The following CUX1 variants were observed in gnomAD, a reference collection of about 807,000 sequenced individuals.
CUX1 encodes the protein cut like homeobox 1.
In CUX1, 31 loss-of-function variants were observed where a neutral mutation model predicts 158.8. The ratio of observed to expected loss-of-function variants is 0.20; its 90% confidence interval spans 0.15 to 0.26. The LOEUF is 0.26. Ranked by LOEUF, CUX1 falls within the 10% of genes least tolerant of loss-of-function variation. The probability of loss-of-function intolerance (pLI) is 1.00; values close to 1 mark genes in which losing one functional copy is unlikely to be tolerated. For missense variants in CUX1, 1,589 were observed against 2,014.6 expected (o/e 0.79, Z 4.04); for synonymous variants, 879 against 862.1 (o/e 1.02, Z -0.34).
chr7:101,818,713 AGTC>A (rs1792154724), intron 1 of CUX1, among the ~76,000 whole-genome samples: 1 of 152,246 alleles, frequency 6.6e-6, no homozygotes. Context: ...TGCAAACTTT[AGTC>A]GAATACGGAA....
chr7:101,837,700 G>C (rs1372599206), intron 1 of CUX1, among the ~76,000 whole-genome samples: 1 of 151,504 alleles, frequency 6.6e-6, no homozygotes, highest in Non-Finnish European at 1.5e-5. Flanking sequence ...TCATGGTGAC[G>C]CACACCTGTG....
At chr7:102,121,806 T>C (rs552030737) in intron 8 of CUX1, among the ~76,000 whole-genome samples, 2 of 152,256 alleles carry the variant, frequency 1.3e-5, no homozygotes, top group South Asian at 2.1e-4. Context: ...CCTGGTCCTT[T>C]AGGCTCAAAT....
At chr7:102,035,068 G>A (rs1821267463) in intron 3 of CUX1, among the ~76,000 whole-genome samples, 1 of 76,370 alleles carries the variant, frequency 1.3e-5, no homozygotes, top group Non-Finnish European at 2.5e-5. Context: ...AGACCCAGTG[G>A]TGGTAAAAAA....
chr7:102,239,034 G>C (rs782691738), intron 22 of CUX1, among the ~76,000 whole-genome samples: 1 of 152,094 alleles, frequency 6.6e-6, no homozygotes, highest in Non-Finnish European at 1.5e-5. Flanking sequence ...TTACAGGTGC[G>C]TACCACCACG....
At chr7:101,981,218 G>T (rs113250742) in intron 2 of CUX1, among the ~76,000 whole-genome samples, 1 of 151,366 alleles carries the variant, frequency 6.6e-6, no homozygotes, top group Non-Finnish European at 1.5e-5. Context: ...CTATACACAC[G>T]CCTCACTTTC....
intron 3 of CUX1, among the ~76,000 whole-genome samples, chr7:102,031,239 A>G (rs890192262): frequency 5.1e-4 from 78 of 152,086 alleles, no homozygotes; most frequent in East Asian, 5.8e-4. Flanking sequence ...TTGTATTTTT[A>G]GTAGAGATGG....
At chr7:102,228,395 G>A (rs1300779104) in intron 21 of CUX1, among the ~76,000 whole-genome samples, 2 of 152,116 alleles carry the variant, frequency 1.3e-5, no homozygotes, top group Non-Finnish European at 2.9e-5. Flanking sequence ...ATGTTGATGT[G>A]CACCTGTAGT....
downstream of CUX1, among the ~76,000 whole-genome samples, chr7:102,262,041 G>A (rs544862135): frequency 6.6e-6 from 1 of 152,178 alleles, no homozygotes; most frequent in South Asian, 2.1e-4. Context: ...CAGCCCAGGA[G>A]CTCAAGGCTG....
intron 4 of CUX1, among the ~76,000 whole-genome samples, chr7:102,096,378 C>T (rs1554484147): frequency 6.6e-6 from 1 of 152,138 alleles, no homozygotes; most frequent in African/African-American, 2.4e-5. Context: ...TGTTTCTTTC[C>T]TCTGCTTCAC....
intron 2 of CUX1, among the ~76,000 whole-genome samples, chr7:102,003,903 G>C (rs78754017): frequency 2.0e-5 from 3 of 152,156 alleles, no homozygotes; most frequent in Non-Finnish European, 2.9e-5. Context: ...CACTTTGGGA[G>C]ACTAAGGTGG....
rs11981768 is a variant in CUX1, at chr7:102,136,579, C to T, written c.674+21306C>T. Among the ~76,000 whole-genome samples the T allele has an allele frequency of 4.2e-3, 636 of 152,140 alleles. 3 individuals carry two copies. Among genetic ancestry groups the T allele is most frequent in the East Asian group, 0.027 (142 of 5,172 alleles). ...CTAATTTTTGTATTTTTAATGGAGA[C>T]GGGGTTTCACCATGTTGGTCAGGCT... On this transcript the variant is annotated intron_variant, in intron 8 of 23. Transcript: ENST00000292535.
intron 8 of CUX1, among the ~76,000 whole-genome samples, chr7:102,122,280 G>A (rs1832125106): frequency 6.6e-6 from 1 of 152,098 alleles, no homozygotes; most frequent in Non-Finnish European, 1.5e-5. Context: ...TAAAAATAGA[G>A]AAGCAGCCAC....
intron 1 of CUX1, among the ~76,000 whole-genome samples, chr7:101,886,983 C>T (rs532592104): frequency 3.9e-5 from 6 of 152,330 alleles, no homozygotes; most frequent in South Asian, 4.1e-4. Flanking sequence ...CCCCACTCTT[C>T]GCTCCCTGCT....
At chr7:101,911,411 A>G (rs1422813357) in intron 1 of CUX1, among the ~76,000 whole-genome samples, 1 of 148,014 alleles carries the variant, frequency 6.8e-6, no homozygotes, top group Non-Finnish European at 1.5e-5. Flanking sequence ...GCCGTGGATG[A>G]CCTGAGCCTT....
chr7:102,104,846 C>T (rs980740115), intron 6 of CUX1, among the ~76,000 whole-genome samples: 3 of 152,128 alleles, frequency 2.0e-5, no homozygotes, highest in Non-Finnish European at 4.4e-5. Flanking sequence ...GAGCCGAGAT[C>T]GCGCCACTGC....
intron 2 of CUX1, among the ~76,000 whole-genome samples, chr7:101,984,138 A>ACC: frequency 1.3e-5 from 1 of 75,466 alleles, no homozygotes; most frequent in Admixed American, 1.2e-4. Context: ...ATACACACAC[A>ACC]CATATATATA....
chr7:101,918,642 C>T (rs1313668264), intron 2 of CUX1, among the ~76,000 whole-genome samples: 2 of 152,236 alleles, frequency 1.3e-5, no homozygotes, highest in Admixed American at 6.5e-5. Flanking sequence ...AGGCTCCTGC[C>T]CCGCCAGCCC....
intron 1 of CUX1, among the ~76,000 whole-genome samples, chr7:101,866,894 A>G (rs1797978907): frequency 6.6e-6 from 1 of 152,236 alleles, no homozygotes; most frequent in East Asian, 1.9e-4. Context: ...AATAAGGCAT[A>G]TAGGAATAAG....
intron 20 of CUX1, chr7:102,281,735 C>T: frequency 1.3e-6 from 1 of 762,758 alleles, no homozygotes; most frequent in Admixed American, 2.0e-5. Context: ...CTTCCTGTCC[C>T]TTCCCTCCCC....
Sources: allele counts gnomAD v4.1 joint callset (sites outside exome capture counted in the v4.1 genomes callset), GRCh38; gene constraint gnomAD v4.1.1; transcripts MANE v1.5; gene names NCBI Gene and HGNC (gene_info 2026-07-23, HGNC 2026-07-21).